Variants in THRB observed in about 807,000 individuals in gnomAD.
THRB encodes thyroid hormone receptor beta.
In THRB, 12 loss-of-function variants were observed where a neutral mutation model predicts 47.8. That is an observed-to-expected ratio of 0.25 (90% confidence interval 0.16 to 0.41). The LOEUF is 0.41. Ranked by LOEUF, THRB falls within the 10% of genes least tolerant of loss-of-function variation. THRB has a pLI of 1.00. For synonymous variants in THRB, 218 were observed against 212.2 expected, an observed-to-expected ratio of 1.03 and a Z score of -0.24; for missense variants, 348 against 589.2, an observed-to-expected ratio of 0.59 and a Z score of 4.24.
At chr3:24,132,494 C>T (rs1213934835) in intron 9 of THRB, among the ~76,000 whole-genome samples, 2 of 152,220 alleles carry the variant, frequency 1.3e-5, no homozygotes, top group Admixed American at 1.3e-4. Context: ...AACCTTTCAA[C>T]AGCTCTAAGA....
intron 2 of THRB, among the ~76,000 whole-genome samples, chr3:24,330,604 A>G (rs1234549786): frequency 2.0e-5 from 3 of 152,198 alleles, no homozygotes; most frequent in Non-Finnish European, 4.4e-5. Context: ...GCATGCTTTT[A>G]TACTTTTACT....
intron 3 of THRB, among the ~76,000 whole-genome samples, chr3:24,279,875 A>G (rs1395746283): frequency 2.0e-5 from 3 of 152,126 alleles, no homozygotes; most frequent in Non-Finnish European, 4.4e-5. Context: ...TGATCCATGG[A>G]CCATGGTCCC....
intron 6 of THRB, among the ~76,000 whole-genome samples, chr3:24,151,263 T>C (rs1488929625): frequency 1.3e-5 from 2 of 152,130 alleles, no homozygotes; most frequent in African/African-American, 4.8e-5. Context: ...ACATAGGGAA[T>C]TTGCATGGAA....
At chr3:24,260,172 T>C (rs1364445535) in intron 3 of THRB, among the ~76,000 whole-genome samples, 4 of 152,238 alleles carry the variant, frequency 2.6e-5, no homozygotes, top group Admixed American at 2.0e-4. Context: ...CTCTTATCTA[T>C]ATAATAATTT....
intron 1 of THRB, chr3:24,494,382 C>G (rs1698692266): frequency 6.6e-6 from 1 of 152,342 alleles, no homozygotes; most frequent in Non-Finnish European, 1.5e-5. Flanking sequence ...GCCCGGCCAC[C>G]CTGTTCCACC....
chr3:24,372,000 C>T (rs754826279), intron 1 of THRB, among the ~76,000 whole-genome samples: 8 of 152,188 alleles, frequency 5.3e-5, no homozygotes, highest in Non-Finnish European at 7.4e-5. Context: ...CCAATAACAC[C>T]GGAAATCATA....
intron 2 of THRB, among the ~76,000 whole-genome samples, chr3:24,302,370 T>G (rs775319271): frequency 4.6e-5 from 7 of 152,224 alleles, no homozygotes; most frequent in Non-Finnish European, 8.8e-5. Context: ...ATAGATTTTG[T>G]TTTATGTCCT....
At chr3:24,164,967 T>TA in intron 5 of THRB, 1 of 673,286 alleles carries the variant, frequency 1.5e-6, no homozygotes, top group South Asian at 1.7e-5. Flanking sequence ...ACTGTAACTT[T>TA]AAAATGAAAC....
chr3:24,350,261 C>T (rs2063283820), intron 1 of THRB, among the ~76,000 whole-genome samples: 1 of 152,060 alleles, frequency 6.6e-6, no homozygotes, highest in Non-Finnish European at 1.5e-5. Context: ...TTCTCATACA[C>T]TGTTGGTGAA....
chr3:24,280,999 T>G (rs1221300482), intron 3 of THRB, among the ~76,000 whole-genome samples: 4 of 152,146 alleles, frequency 2.6e-5, no homozygotes, highest in Non-Finnish European at 5.9e-5. Flanking sequence ...TGGAACCAAG[T>G]TGGAAAACAC....
intron 4 of THRB, among the ~76,000 whole-genome samples, chr3:24,202,569 G>A (rs1160137286): frequency 6.6e-6 from 1 of 152,156 alleles, no homozygotes; most frequent in Admixed American, 6.5e-5. Flanking sequence ...AGGTCATGAA[G>A]AATCAATTTG....
intron 5 of THRB, among the ~76,000 whole-genome samples, chr3:24,179,269 G>A (rs552734887): frequency 6.6e-6 from 1 of 152,144 alleles, no homozygotes; most frequent in Middle Eastern, 3.4e-3. Flanking sequence ...AAAATAGTAG[G>A]CATCAACGTT....
chr3:24,208,065 G>C (rs1188330110), intron 4 of THRB, among the ~76,000 whole-genome samples: 2 of 152,002 alleles, frequency 1.3e-5, no homozygotes, highest in African/African-American at 2.4e-5. Flanking sequence ...GACAAACAGA[G>C]AGCCAAATCA....
chr3:24,183,679 CTTTT>C (rs35441182), intron 5 of THRB, among the ~76,000 whole-genome samples: 1 of 137,072 alleles, frequency 7.3e-6, no homozygotes, highest in African/African-American at 2.6e-5. Flanking sequence ...GGCCTTTCAT[CTTTT>C]TTTTTTTTTT....
chr3:24,305,050 T>C (rs1214755701), intron 2 of THRB, among the ~76,000 whole-genome samples: 1 of 152,190 alleles, frequency 6.6e-6, no homozygotes, highest in Non-Finnish European at 1.5e-5. Context: ...ACAGCTGGGT[T>C]CCATTTAACT....
intron 1 of THRB, among the ~76,000 whole-genome samples, chr3:24,398,133 T>C (rs1452597017): frequency 1.3e-5 from 2 of 152,064 alleles, no homozygotes; most frequent in African/African-American, 2.4e-5. Flanking sequence ...AGTAATTAAC[T>C]CTCATTTTTT....
intron 4 of THRB, among the ~76,000 whole-genome samples, chr3:24,207,851 T>A (rs148844922): frequency 2.0e-5 from 3 of 152,146 alleles, no homozygotes; most frequent in African/African-American, 7.2e-5. Context: ...GCCAGGGCAA[T>A]CAGGCAGGAG....
chr3:24,343,842 C>T (rs62255383), intron 1 of THRB, among the ~76,000 whole-genome samples: 34,157 of 149,588 alleles, frequency 0.23, 4,260 homozygotes, highest in Admixed American at 0.36. Context: ...TCTTTAGTTT[C>T]GTAAAGATCT....
At chr3:24,370,184 A>G (rs1427197041) in intron 1 of THRB, among the ~76,000 whole-genome samples, 1 of 152,074 alleles carries the variant, frequency 6.6e-6, no homozygotes, top group Non-Finnish European at 1.5e-5. Context: ...GTCAGCTGAC[A>G]TTTTTGTCCA....
Sources: allele counts gnomAD v4.1 joint callset (sites outside exome capture counted in the v4.1 genomes callset), GRCh38; gene constraint gnomAD v4.1.1; transcripts MANE v1.5; gene names NCBI Gene and HGNC (gene_info 2026-07-23, HGNC 2026-07-21).